The following TUB variants were observed in gnomAD, a reference collection of about 807,000 sequenced individuals.
The protein encoded by TUB is TUB bipartite transcription factor, also known as tubby protein homolog.
A neutral mutation model predicts 59.7 loss-of-function variants in TUB; 33 were observed. The ratio of observed to expected loss-of-function variants is 0.55; its 90% CI spans 0.42 to 0.74. The LOEUF is 0.74. TUB is among the 30% of genes least tolerant of loss of function. TUB has a pLI of 0.00. For missense variants in TUB, 659 were observed against 672.0 expected, an observed-to-expected ratio of 0.98 and a Z score of 0.21; for synonymous variants, 293 against 256.4, an observed-to-expected ratio of 1.14 and a Z score of -1.36.
intron 2 of TUB, among the ~76,000 whole-genome samples, chr11:8,043,540 C>T (rs773723359): frequency 6.6e-6 from 1 of 152,148 alleles, no homozygotes; most frequent in Non-Finnish European, 1.5e-5. Flanking sequence ...AGTATATAGT[C>T]TTTTGATCCA....
chr11:8,030,166 C>T (rs76634926), intron 1 of TUB, among the ~76,000 whole-genome samples: 2,973 of 152,194 alleles, frequency 0.02, 101 homozygotes, highest in African/African-American at 0.068. Flanking sequence ...TGAAGTTTGA[C>T]ATCATCAGGC....
chr11:8,066,423 G>A (rs1406108362), intron 2 of TUB, among the ~76,000 whole-genome samples: 2 of 152,200 alleles, frequency 1.3e-5, no homozygotes, highest in African/African-American at 4.8e-5. Context: ...TTCAGCCCCT[G>A]TACAGCTCCA....
chr11:8,097,507 A>C lies in TUB; in HGVS notation c.885+82A>C, dbSNP rs79061267. 1,257 of 1,576,352 alleles carry C rather than the reference A, an allele frequency of 8.0e-4. 9 individuals carry two copies. The African/African-American group carries it at 0.015, about 19-fold the overall frequency. On this transcript the variant is annotated intron_variant, in intron 7 of 11. Transcript: ENST00000299506. Reference sequence around the variant, plus strand: ...GGGCTGAAATGTGACTGGAAGTCTCATATCTACCACTGACCTCTCAGTTCC... The same window carrying C: ...GGGCTGAAATGTGACTGGAAGTCTCCTATCTACCACTGACCTCTCAGTTCC...
At chr11:8,101,116 C>A in intron 11 of TUB, 119 bp downstream of exon 11, 1 of 1,250,926 alleles carries the variant, frequency 8.0e-7, no homozygotes, top group Non-Finnish European at 1.1e-6. Context: ...AGCTATACAG[C>A]TAAGGTTAGA....
At chr11:8,024,475 C>T (rs1225660763) in intron 1 of TUB, among the ~76,000 whole-genome samples, 2 of 151,982 alleles carry the variant, frequency 1.3e-5, no homozygotes, top group African/African-American at 2.4e-5. Flanking sequence ...CCCTTATCTG[C>T]ACCCCGTGTG....
At chr11:8,081,597 G>T in intron 1 of TUB, 49 bp downstream of exon 1, 1 of 1,481,938 alleles carries the variant, frequency 6.7e-7, no homozygotes. Context: ...CTCGGGACGT[G>T]AGCTGGCTGG....
chr11:8,019,641 G>A (rs1197353772), intron 1 of TUB, among the ~76,000 whole-genome samples: 1 of 152,088 alleles, frequency 6.6e-6, no homozygotes, highest in Non-Finnish European at 1.5e-5. Flanking sequence ...CAGCTGCCCC[G>A]CCAGGGTCGC....
chr11:8,057,694 T>C (rs963863681), intron 2 of TUB, among the ~76,000 whole-genome samples: 2 of 152,044 alleles, frequency 1.3e-5, no homozygotes, highest in Non-Finnish European at 2.9e-5. Context: ...ATAAAACTTA[T>C]TTGTGGAGGC....
At chr11:8,044,951 C>A (rs1401762785) in intron 2 of TUB, among the ~76,000 whole-genome samples, 1 of 152,188 alleles carries the variant, frequency 6.6e-6, no homozygotes. Context: ...AGGTGTGCCA[C>A]CTCCCCAGCA....
intron 2 of TUB, among the ~76,000 whole-genome samples, chr11:8,055,213 C>CTGTG (rs1389604111): frequency 2.0e-5 from 3 of 151,868 alleles, no homozygotes; most frequent in Non-Finnish European, 4.4e-5. Context: ...CTGGAGTGGC[C>CTGTG]TGTGTGTGTG....
In TUB at chr11:8,053,519, G is replaced by A. The variant is rs185461129; in HGVS notation, c.203+13827G>A. 2.9e-3 allele frequency among the ~76,000 whole-genome samples: 437 copies of A among 150,498 alleles called. 1 individual carries two copies. The highest frequency in any genetic ancestry group is 0.01 in the African/African-American group (427 of 41,014). The stretch of plus-strand genomic sequence containing the variant: ...ATTTATTAATTTATCTATTTATTTT[G>A]AGACAGAGTCTCGCTCTGTCGCCCA... On this transcript the variant is annotated intron_variant, in intron 2 of 12. Coordinates refer to the TUB transcript ENST00000305253.
rs1250320624 is a variant in TUB at position 8,101,886 on chromosome 11, G to C, written c.*267G>C. 8.1e-6 allele frequency: 4 copies of C among 494,624 alleles called. No individual in the cohort carries two copies. The highest frequency in any genetic ancestry group is 1.4e-5 in the Non-Finnish European group (4 of 280,056). The allele number at this position is 494,624 out of a possible 1,614,324, so 30.6% of individuals were successfully genotyped here. On this transcript the variant is annotated 3_prime_UTR_variant, in exon 12 of 12. Coordinates refer to ENST00000299506, the MANE Select transcript of TUB (RefSeq NM_177972.3). ...GAGATCAACACACACTCCCACCCTTGGGGTAGTAGTGTGTTGTAGTCGTAC... is the reference window on the plus strand; with the variant it reads ...GAGATCAACACACACTCCCACCCTTCGGGTAGTAGTGTGTTGTAGTCGTAC...
chr11:8,055,051 C>A (rs1395139234), intron 2 of TUB, among the ~76,000 whole-genome samples: 2 of 152,166 alleles, frequency 1.3e-5, no homozygotes, highest in Non-Finnish European at 2.9e-5. Flanking sequence ...CTGGAAACCC[C>A]CTCAGCTAGA....
At chr11:8,081,021 C>T (rs902976231), upstream of TUB, among the ~76,000 whole-genome samples, 26 of 152,148 alleles carry the variant, frequency 1.7e-4, no homozygotes, top group Non-Finnish European at 3.4e-4. Context: ...GGGACTGGCC[C>T]GGCTGCAGCG....
At chr11:8,072,234 C>A (rs539490743) in intron 2 of TUB, among the ~76,000 whole-genome samples, 1 of 152,290 alleles carries the variant, frequency 6.6e-6, no homozygotes, top group African/African-American at 2.4e-5. Context: ...CCTGAGGAAG[C>A]CTAGAAGGAG....
intron 2 of TUB, among the ~76,000 whole-genome samples, chr11:8,042,859 T>C (rs1021008578): frequency 6.6e-6 from 1 of 152,216 alleles, no homozygotes; most frequent in Admixed American, 6.5e-5. Context: ...ATCAGATATA[T>C]GGTTTGCAGA....
exon 1 of TUB, chr11:8,038,807 G>C: frequency 5.1e-6 from 8 of 1,567,000 alleles, no homozygotes. Flanking sequence ...ATTTCAACAG[G>C]CTCCAGGTCT....
At chr11:8,030,685 C>T (rs527571376) in intron 1 of TUB, among the ~76,000 whole-genome samples, 3 of 152,268 alleles carry the variant, frequency 2.0e-5, no homozygotes, top group South Asian at 2.1e-4. Context: ...ACTGTGCCAG[C>T]AGATGGGACC....
rs1943909978 is a variant in TUB, at chr11:8,094,766, C to T, written c.397+577C>T. Among the ~76,000 whole-genome samples, 3 of 152,234 alleles carry T rather than the reference C, an allele frequency of 2.0e-5. No homozygotes were observed. In the South Asian group the frequency reaches 6.2e-4, roughly 31 times the overall value. The stretch of plus-strand genomic sequence containing the variant: ...CCCCAGGTCCTGTCTCTTGGCTACA[C>T]ACCCCGTTTCCTCAACTTTTGTTCA... On this transcript the variant is annotated intron_variant, in intron 4 of 11. Coordinates refer to ENST00000299506, the MANE Select transcript of TUB (RefSeq NM_177972.3).
Sources: gnomAD v4.1 joint callset for allele counts (sites outside exome capture counted in the v4.1 genomes callset) on GRCh38, gnomAD v4.1.1 for gene constraint, MANE v1.5 for transcripts, NCBI Gene and HGNC (gene_info 2026-07-23, HGNC 2026-07-21) for gene names.